KCNB2: variants seen among roughly 807,000 people sequenced by gnomAD.
The protein encoded by KCNB2 is delayed rectifier potassium channel protein.
Under a neutral mutation model 61.5 loss-of-function variants are expected in KCNB2, and 15 were observed. The ratio of observed to expected loss-of-function variants is 0.24; its 90% CI spans 0.16 to 0.38. The LOEUF (loss-of-function observed/expected upper bound fraction) is 0.38, where lower values mean the gene tolerates loss of function less well. Ranked by LOEUF, KCNB2 falls within the 10% of genes least tolerant of loss-of-function variation. The pLI is 1.00. For missense variants in KCNB2, 828 were observed against 1,125.2 expected (o/e 0.74, Z 3.78); for synonymous variants, 457 against 446.0 (o/e 1.02, Z -0.31).
At chr8:72,676,736 G>A (rs1221529855) in intron 2 of KCNB2, among the ~76,000 whole-genome samples, 1 of 152,026 alleles carries the variant, frequency 6.6e-6, no homozygotes. Flanking sequence ...GGCAAGCAGG[G>A]GTTAACTTTC....
At chr8:72,656,784 T>A (rs1057306240) in intron 2 of KCNB2, among the ~76,000 whole-genome samples, 1 of 152,172 alleles carries the variant, frequency 6.6e-6, no homozygotes, top group Non-Finnish European at 1.5e-5. Context: ...CAATAGCACA[T>A]GCACCGTGGA....
intron 1 of KCNB2, among the ~76,000 whole-genome samples, chr8:72,548,065 C>T (rs1317112334): frequency 1.3e-5 from 2 of 152,088 alleles, no homozygotes; most frequent in African/African-American, 4.8e-5. Context: ...TCCCTGAAGG[C>T]TCTGAGGATT....
chr8:72,562,137 A>G (rs1182687556), intron 1 of KCNB2, among the ~76,000 whole-genome samples: 1 of 152,118 alleles, frequency 6.6e-6, no homozygotes, highest in African/African-American at 2.4e-5. Context: ...CAAAAATGAA[A>G]TGTTAAACAT....
intron 2 of KCNB2, among the ~76,000 whole-genome samples, chr8:72,721,122 T>TA (rs1028163420): frequency 1.3e-5 from 2 of 152,212 alleles, no homozygotes; most frequent in African/African-American, 4.8e-5. Flanking sequence ...AAAGATACAC[T>TA]AAAAAAACTG....
chr8:72,680,536 T>C (rs1462470964), intron 2 of KCNB2, among the ~76,000 whole-genome samples: 1 of 152,108 alleles, frequency 6.6e-6, no homozygotes, highest in Non-Finnish European at 1.5e-5. Context: ...TGCTGTGGCA[T>C]GGAACAGCTG....
intron 2 of KCNB2, among the ~76,000 whole-genome samples, chr8:72,740,044 C>G (rs1249208430): frequency 6.6e-6 from 1 of 152,270 alleles, no homozygotes; most frequent in Non-Finnish European, 1.5e-5. Flanking sequence ...AAATACTCTT[C>G]TGAGAGTTTC....
At chr8:72,571,796 C>T (rs1408964472) in intron 2 of KCNB2, among the ~76,000 whole-genome samples, 1 of 152,104 alleles carries the variant, frequency 6.6e-6, no homozygotes, top group African/African-American at 2.4e-5. Flanking sequence ...TAGGATCGTG[C>T]AAGGGGAAGA....
Position 72,834,717 on chromosome 8 carries a change from A to G in KCNB2, c.580-101218A>G, listed in dbSNP as rs181382408. ...TTAATTGATAGAAAGGATGCACCCA[A>G]CCTGGGCATACCTTTCTGTAAAAGA... is the stretch of plus-strand genomic sequence containing the variant. On this transcript the variant is annotated intron_variant, in intron 2 of 2. Transcript: ENST00000523207. 3.3e-5 allele frequency among the ~76,000 whole-genome samples: 5 copies of G among 152,236 alleles called. No individual in the cohort carries two copies. The East Asian group carries it at 9.7e-4, about 29-fold the overall frequency.
chr8:72,654,559 T>C, intron 2 of KCNB2, among the ~76,000 whole-genome samples: 1 of 152,182 alleles, frequency 6.6e-6, no homozygotes, highest in African/African-American at 2.4e-5. Context: ...AATATTTTCT[T>C]GAAATATCAA....
At chr8:72,767,218 TA>T (rs1221802650) in intron 2 of KCNB2, among the ~76,000 whole-genome samples, 1 of 152,234 alleles carries the variant, frequency 6.6e-6, no homozygotes, top group Non-Finnish European at 1.5e-5. Flanking sequence ...ATCTTTACAC[TA>T]ATACGTGCTA....
chr8:72,569,019 A>G lies in KCNB2; in HGVS notation c.579+706A>G, dbSNP rs2383867. ...ATTCATATTTTCCCATTGTGACTGC[A>G]TATATCTAAATCTCACAGTAAATTT... On this transcript the variant is annotated intron_variant, in intron 2 of 2. Coordinates refer to ENST00000523207, the MANE Select transcript of KCNB2 (RefSeq NM_004770.3). Among the ~76,000 whole-genome samples, 235 of 152,172 alleles carry G rather than the reference A, an allele frequency of 1.5e-3. 3 individuals carry two copies. The highest frequency in any genetic ancestry group is 0.012 in the Admixed American group (176 of 15,274).
chr8:72,863,274 C>T (rs1805449295), intron 2 of KCNB2, among the ~76,000 whole-genome samples: 1 of 152,258 alleles, frequency 6.6e-6, no homozygotes, highest in East Asian at 1.9e-4. Context: ...TTAAACATTC[C>T]CTCTGCAATC....
At chr8:72,600,862 G>A (rs970434772) in intron 2 of KCNB2, among the ~76,000 whole-genome samples, 1 of 151,994 alleles carries the variant, frequency 6.6e-6, no homozygotes, top group Non-Finnish European at 1.5e-5. Flanking sequence ...GGAGGAGGGA[G>A]AGGATCAGAA....
chr8:72,769,301 A>G (rs1808520912), intron 2 of KCNB2, among the ~76,000 whole-genome samples: 1 of 152,080 alleles, frequency 6.6e-6, no homozygotes, highest in Admixed American at 6.6e-5. Context: ...GAGTAGTTTA[A>G]GAGCCTAATT....
chr8:72,882,183 C>T (rs1805718954), intron 2 of KCNB2, among the ~76,000 whole-genome samples: 1 of 152,148 alleles, frequency 6.6e-6, no homozygotes, highest in African/African-American at 2.4e-5. Context: ...ATACCACCAG[C>T]ACCTCCACAC....
chr8:72,859,285 T>TGTGGA (rs1285775810), intron 2 of KCNB2, among the ~76,000 whole-genome samples: 1 of 152,164 alleles, frequency 6.6e-6, no homozygotes, highest in Admixed American at 6.5e-5. Context: ...GGAAGTGTAG[T>TGTGGA]ATGGAATATT....
chr8:72,848,269 C>T (rs1810033978), intron 2 of KCNB2, among the ~76,000 whole-genome samples: 2 of 152,190 alleles, frequency 1.3e-5, no homozygotes, highest in Non-Finnish European at 2.9e-5. Context: ...GGAGCTTTGG[C>T]TCCAACCACC....
chr8:72,739,246 G>A (rs780996474), intron 2 of KCNB2, among the ~76,000 whole-genome samples: 2 of 151,170 alleles, frequency 1.3e-5, no homozygotes, highest in Non-Finnish European at 2.9e-5. Flanking sequence ...CCCCACCCCC[G>A]AGAACTGGAA....
intron 2 of KCNB2, among the ~76,000 whole-genome samples, chr8:72,690,582 C>T (rs566599666): frequency 4.6e-5 from 7 of 152,326 alleles, no homozygotes; most frequent in African/African-American, 1.7e-4. Flanking sequence ...GCAGACATAA[C>T]CAAGTCCTAC....
Sources: gnomAD v4.1 joint callset for allele counts (sites outside exome capture counted in the v4.1 genomes callset) on GRCh38, gnomAD v4.1.1 for gene constraint, MANE v1.5 for transcripts, NCBI Gene and HGNC (gene_info 2026-07-23, HGNC 2026-07-21) for gene names.